Variants in USP10 observed in about 807,000 individuals in gnomAD.
USP10 encodes the protein ubiquitin specific peptidase 10.
USP10 carries 22 observed loss-of-function variants against 84.5 expected under a neutral mutation model. The ratio of observed to expected loss-of-function variants is 0.26; its 90% CI spans 0.19 to 0.37. The LOEUF is 0.37. Among genes scored for constraint, USP10 ranks in the 10% least tolerant of loss-of-function variants. The pLI is 1.00. For synonymous variants in USP10, 454 were observed against 387.6 expected, an observed-to-expected ratio of 1.17 and a Z score of -2.01; for missense variants, 1,019 against 998.9, an observed-to-expected ratio of 1.02 and a Z score of -0.27.
In USP10 at chr16:84,752,432, A is replaced by G. The variant is rs549660255; in HGVS notation, c.1193-6284A>G. The stretch of plus-strand genomic sequence containing the variant: ...TGGAATGCAGGTCAAGTTTCAACCT[A>G]GAAGTTGCCTGCCCTCTATCCTTGG... On this transcript the variant is annotated intron_variant, in intron 4 of 13. Coordinates refer to ENST00000219473, the MANE Select transcript of USP10 (RefSeq NM_005153.3). 1.0e-3 allele frequency among the ~76,000 whole-genome samples: 153 copies of G among 152,378 alleles called. 1 individual carries two copies. The highest frequency in any genetic ancestry group is 3.5e-3 in the African/African-American group (147 of 41,592).
chr16:84,712,224 T>C (rs950666911), intron 1 of USP10, among the ~76,000 whole-genome samples: 12 of 152,216 alleles, frequency 7.9e-5, no homozygotes, highest in African/African-American at 2.9e-4. Flanking sequence ...CTGTCCTTCC[T>C]CAGGAGGCAG....
chr16:84,773,957 AC>A (rs1914709134), intron 12 of USP10, among the ~76,000 whole-genome samples: 1 of 152,118 alleles, frequency 6.6e-6, no homozygotes, highest in East Asian at 1.9e-4. Flanking sequence ...TCAAAATATG[AC>A]ATAAATGGGG....
Position 84,759,938 on chromosome 16 carries a change from C to T in USP10, c.1442C>T (p.Pro481Leu). ...ACTAATATGCCAGTACCTCCAAAAC[C>T]CCGACAAGGTTAGTAAAAATGAGTT... The part of the protein sequence containing the change: ...EFTNMPVPPK[P>L]RQALGDKIVR... Residue 481 changes from proline to leucine, a missense_variant, in exon 7 of 14, where the codon CCC becomes CTC. Transcript: ENST00000219473. 1 of 1,613,922 alleles carries T rather than the reference C, an allele frequency of 6.2e-7. No individual in the cohort carries two copies. Among genetic ancestry groups the T allele is most frequent in the South Asian group, 1.1e-5 (1 of 91,078 alleles).
chr16:84,775,933 G>A (rs1193553745), intron 13 of USP10, among the ~76,000 whole-genome samples: 1 of 151,810 alleles, frequency 6.6e-6, no homozygotes, highest in Non-Finnish European at 1.5e-5. Flanking sequence ...GTTGCTGTTT[G>A]CCGCACTTTT....
At chr16:84,757,396 G>GGGTGTGT (rs1555546425) in intron 4 of USP10, among the ~76,000 whole-genome samples, 4 of 127,438 alleles carry the variant, frequency 3.1e-5, no homozygotes, top group South Asian at 2.9e-4. Flanking sequence ...GAATGAGAGG[G>GGGTGTGT]GTGGGGGTGT....
At chr16:84,717,073 C>T (rs538215959) in intron 1 of USP10, among the ~76,000 whole-genome samples, 1 of 152,306 alleles carries the variant, frequency 6.6e-6, no homozygotes, top group South Asian at 2.1e-4. Flanking sequence ...TGAATGTGCA[C>T]ATTTAGATTC....
chr16:84,745,357 C>T lies in USP10; in HGVS notation c.876C>T (p.Ser292=). 2 of 1,613,226 alleles carry T rather than the reference C, an allele frequency of 1.2e-6. No homozygotes were observed. Among genetic ancestry groups the T allele is most frequent in the Non-Finnish European group, 8.5e-7 (1 of 1,179,728 alleles). ...LGVANGQILE[S]SGEGTATNGV... ...TTGCTAATGGACAAATACTTGAATC[C>T]TCGGGTGAGGGCACAGCTACCAACG... The change falls in exon 4 of 14, where the codon TCC becomes TCT. Residue 292 remains serine (S), a synonymous_variant. Transcript: ENST00000219473.
At chr16:84,754,457 A>G (rs1597371529) in intron 4 of USP10, among the ~76,000 whole-genome samples, 3 of 152,200 alleles carry the variant, frequency 2.0e-5, no homozygotes, top group African/African-American at 7.2e-5. Context: ...TTGGTGGAGT[A>G]CATTTCCTAG....
At chr16:84,769,506 G>C (rs528919815) in intron 11 of USP10, among the ~76,000 whole-genome samples, 35 of 152,312 alleles carry the variant, frequency 2.3e-4, no homozygotes, top group African/African-American at 7.7e-4. Flanking sequence ...AGAGTCTGGC[G>C]GTGGACCTCG....
At chr16:84,764,398 T>G in intron 10 of USP10, 135 bp downstream of exon 10, 2 of 1,174,182 alleles carry the variant, frequency 1.7e-6, no homozygotes, top group South Asian at 2.6e-5. Context: ...TGCCTGCTCT[T>G]CTCTTGCACT....
chr16:84,764,939 A>AATATATATATAT (rs1555548056), intron 10 of USP10, among the ~76,000 whole-genome samples: 4 of 132,256 alleles, frequency 3.0e-5, no homozygotes, highest in African/African-American at 1.1e-4. Flanking sequence ...GAGAAAAAAA[A>AATATATATATAT]ATATATATAT....
chr16:84,709,028 A>G (rs1597268797), intron 1 of USP10: 1 of 152,234 alleles, frequency 6.6e-6, no homozygotes, highest in South Asian at 2.1e-4. Context: ...AACATAGTCA[A>G]GAACATTCAT....
chr16:84,761,293 G>A (rs140190295), intron 8 of USP10, among the ~76,000 whole-genome samples: 1 of 152,306 alleles, frequency 6.6e-6, no homozygotes, highest in East Asian at 1.9e-4. Context: ...CTCTTGGATC[G>A]TGCACAGAGA....
rs113505662 is a variant in USP10 at position 84,750,652 on chromosome 16, G to A, written c.1192+4979G>A. Among the ~76,000 whole-genome samples the A allele has an allele frequency of 2.8e-3, 433 of 152,244 alleles. 3 individuals are homozygous for A. Among genetic ancestry groups the A allele is most frequent in the African/African-American group, 9.7e-3 (403 of 41,526 alleles). ...CATTCCTCATATACTAGACGAAATT[G>A]TATCAGATGCTTTCACATCACAAAT... On this transcript the variant is annotated intron_variant, in intron 4 of 13. Coordinates refer to ENST00000219473, the MANE Select transcript of USP10 (RefSeq NM_005153.3).
At chr16:84,735,552 C>T (rs1211934274) in intron 2 of USP10, among the ~76,000 whole-genome samples, 1 of 152,032 alleles carries the variant, frequency 6.6e-6, no homozygotes, top group African/African-American at 2.4e-5. Flanking sequence ...TGAAAAAATG[C>T]AGAATGCTTA....
rs747328650 is a variant in USP10, at chr16:84,744,648, G to C, written c.167G>C (p.Arg56Thr). The C allele has an allele frequency of 4.4e-6, 7 of 1,609,008 alleles. No individual in the cohort carries two copies. In the African/African-American group the frequency reaches 8.0e-5, roughly 18 times the overall value. Residue 56 changes from arginine (R) to threonine (T), a missense_variant, in exon 4 of 14, where the codon AGA becomes ACA. Physicochemically the swap from Arg to Thr is moderately conservative, Grantham distance 71. Around this residue, in one of 2 missense-constraint regions of USP10, gnomAD observed 787 missense variants for 708.8 expected, o/e 1.11. Coordinates refer to ENST00000219473, the MANE Select transcript of USP10 (RefSeq NM_005153.3). ...TTCTAAACAGGACAAGAATATCAGA[G>C]AATTGAGTTTGGTGTCGATGAAGTC... The part of the protein sequence containing the change: ...DKLPDGQEYQ[R>T]IEFGVDEVIE...
rs1336092146 is a variant in USP10 at position 84,744,532 on chromosome 16, A to C, written c.152-101A>C. ...GACGTAATAGATTTGTTGATTAGGAAGAGAACTTAAGGTTTTTATTTTCAA... is the reference window on the plus strand; with the variant it reads ...GACGTAATAGATTTGTTGATTAGGACGAGAACTTAAGGTTTTTATTTTCAA... On this transcript the variant is annotated intron_variant, in intron 3 of 13. Coordinates refer to ENST00000219473, the MANE Select transcript of USP10 (RefSeq NM_005153.3). The C allele has an allele frequency of 8.1e-6, 9 of 1,112,382 alleles. No individual in the cohort carries two copies. In the East Asian group the frequency reaches 2.3e-4, roughly 29 times the overall value. 68.9% of individuals were successfully genotyped at this position (1,112,382 alleles called of 1,614,324 possible).
intron 7 of USP10, 69 bp downstream of exon 7, chr16:84,760,015 G>C: frequency 6.3e-7 from 1 of 1,575,126 alleles, no homozygotes; most frequent in Non-Finnish European, 8.7e-7. Flanking sequence ...ACTTAAATTT[G>C]GTAAATTCAG....
chr16:84,732,910 ATC>A (rs1272878900), intron 1 of USP10: 1 of 359,592 alleles, frequency 2.8e-6, no homozygotes, highest in African/African-American at 2.1e-5. Context: ...TAATATGTGT[ATC>A]TGTGTATCCT....
Sources: gnomAD v4.1 joint callset for allele counts (sites outside exome capture counted in the v4.1 genomes callset) on GRCh38, gnomAD v4.1.1 for gene constraint, gnomAD v4.1.1 regional missense constraint, MANE v1.5 for transcripts, NCBI Gene and HGNC (gene_info 2026-07-23, HGNC 2026-07-21) for gene names.